Variants in TENM4 observed in about 807,000 individuals in gnomAD.
TENM4 encodes the protein teneurin transmembrane protein 4, also known as teneurin-4.
Under a neutral mutation model 243.3 loss-of-function variants are expected in TENM4, and 82 were observed. The ratio of observed to expected loss-of-function variants is 0.34; its 90% CI spans 0.28 to 0.40. The LOEUF (loss-of-function observed/expected upper bound fraction) is 0.40. TENM4 is among the 10% of genes least tolerant of loss of function. TENM4 has a pLI of 1.00. For missense variants in TENM4, 3,138 were observed against 3,673.3 expected (o/e 0.85, Z 3.77); for synonymous variants, 1,412 against 1,456.3 (o/e 0.97, Z 0.69).
intron 1 of TENM4, among the ~76,000 whole-genome samples, chr11:79,424,845 A>C (rs923832290): frequency 6.6e-6 from 1 of 151,886 alleles, no homozygotes; most frequent in African/African-American, 2.4e-5. Flanking sequence ...AAGGCAGGAG[A>C]ATGGCATAAA....
chr11:79,057,514 C>A (rs1848738258), intron 6 of TENM4, among the ~76,000 whole-genome samples: 1 of 152,182 alleles, frequency 6.6e-6, no homozygotes, highest in Non-Finnish European at 1.5e-5. Flanking sequence ...TGCACCTCCC[C>A]ATGACACTGC....
At chr11:79,431,580 A>T (rs1481280009) in intron 1 of TENM4, among the ~76,000 whole-genome samples, 1 of 152,216 alleles carries the variant, frequency 6.6e-6, no homozygotes, top group East Asian at 1.9e-4. Flanking sequence ...AGCAAAGGAG[A>T]GTACCTGTCT....
At chr11:79,091,124 T>TA (rs1860938117) in intron 4 of TENM4, among the ~76,000 whole-genome samples, 2 of 152,232 alleles carry the variant, frequency 1.3e-5, no homozygotes, top group South Asian at 2.1e-4. Flanking sequence ...ACTTATTTTT[T>TA]ATGTGATTCA....
At chr11:79,344,592 C>G (rs1295639550) in intron 1 of TENM4, among the ~76,000 whole-genome samples, 2 of 152,200 alleles carry the variant, frequency 1.3e-5, no homozygotes, top group African/African-American at 4.8e-5. Context: ...CAAAACTTCT[C>G]TTTGACCAAC....
At chr11:79,284,162 C>A (rs1174243118) in intron 2 of TENM4, among the ~76,000 whole-genome samples, 4 of 152,104 alleles carry the variant, frequency 2.6e-5, no homozygotes, top group Admixed American at 6.6e-5. Flanking sequence ...GTATTCCCTA[C>A]CAAAATCTCA....
At chr11:78,728,336 G>C (rs541431915) in intron 22 of TENM4, among the ~76,000 whole-genome samples, 3 of 152,112 alleles carry the variant, frequency 2.0e-5, no homozygotes, top group Non-Finnish European at 4.4e-5. Context: ...GCAGAATTTG[G>C]GGGTGACAAT....
At chr11:78,943,684 T>G (rs966407218) in intron 6 of TENM4, among the ~76,000 whole-genome samples, 4 of 152,190 alleles carry the variant, frequency 2.6e-5, no homozygotes, top group African/African-American at 9.7e-5. Flanking sequence ...GACAACCTGT[T>G]TGAAAATCTT....
chr11:78,823,659 A>AGAAT (rs1171452297), intron 12 of TENM4, among the ~76,000 whole-genome samples: 1 of 152,052 alleles, frequency 6.6e-6, no homozygotes, highest in Admixed American at 6.5e-5. Context: ...ATGAAGGAAG[A>AGAAT]GAATGAATGA....
chr11:78,658,247 C>G lies in TENM4; in HGVS notation c.8121G>C (p.Gln2707His). Residue 2707 changes from glutamine to histidine, a missense_variant, in exon 34 of 34, where the codon CAG (glutamine) becomes CAC (histidine). Physicochemically the swap from Gln to His is conservative, Grantham distance 24 (BLOSUM62 0). Around this residue, in one of 2 missense-constraint regions of TENM4, gnomAD observed 2,467 missense variants for 3,059.1 expected, o/e 0.81. Coordinates refer to ENST00000278550, the MANE Select transcript of TENM4 (RefSeq NM_001098816.3). ...CTTCCTCCCCTTCCCGCAGTCTCTGCTGCTCGCGGGCCCACGCTTGGCGCA... is the reference window on the plus strand; with the variant it reads ...CTTCCTCCCCTTCCCGCAGTCTCTGGTGCTCGCGGGCCCACGCTTGGCGCA... The part of the protein sequence containing the change: ...RAVRQAWARE[Q>H]QRLREGEEGL... 3 of 1,613,838 alleles carry G rather than the reference C, an allele frequency of 1.9e-6. No homozygotes were observed. The highest frequency in any genetic ancestry group is 1.7e-6 in the Non-Finnish European group (2 of 1,179,782).
chr11:78,863,149 G>A lies in TENM4; in HGVS notation c.1085-17C>T. 4 of 1,476,412 alleles carry A rather than the reference G, an allele frequency of 2.7e-6. No homozygotes were observed. Among genetic ancestry groups the A allele is most frequent in the Non-Finnish European group, 3.6e-6 (4 of 1,096,162 alleles). The allele number at this position is 1,476,412 out of a possible 1,614,324, so 91.5% of individuals were successfully genotyped here. ...GGTGCATGGCTGTGGTGAGCAATGA[G>A]AAAAGTCATCTTTTTCTGCTGGAGG... is the stretch of plus-strand genomic sequence containing the variant. On this transcript the variant is annotated splice_polypyrimidine_tract_variant and intron_variant, in intron 9 of 33. Transcript: ENST00000278550.
chr11:78,797,887 A>G (rs1326092075), intron 15 of TENM4, among the ~76,000 whole-genome samples: 1 of 152,162 alleles, frequency 6.6e-6, no homozygotes, highest in Non-Finnish European at 1.5e-5. Context: ...CCCTCCTATA[A>G]CATGCCTATA....
chr11:79,065,143 T>A, intron 5 of TENM4, 136 bp from the exon 6 acceptor site: 1 of 1,343,602 alleles, frequency 7.4e-7, no homozygotes, highest in Non-Finnish European at 9.7e-7. Context: ...TGCCCATGCC[T>A]TTGTTCAAGT....
chr11:79,371,731 T>C (rs1857790755), intron 1 of TENM4, among the ~76,000 whole-genome samples: 1 of 152,208 alleles, frequency 6.6e-6, no homozygotes, highest in Admixed American at 6.5e-5. Context: ...ATAAGATCTG[T>C]TGTTAATATG....
In TENM4 at chr11:79,314,439, C is replaced by T. The variant is rs540822984; in HGVS notation, c.-320-16896G>A. Among the ~76,000 whole-genome samples, 15 of 152,210 alleles carry T rather than the reference C, an allele frequency of 9.9e-5. No individual in the cohort carries two copies. The South Asian group carries it at 1.2e-3, about 13-fold the overall frequency. ...ACCTGTGGTGTTGAGTCTTGCTGACCGGAAGTTGGGGCCGGGAAGCCTGGT... is the reference window on the plus strand; with the variant it reads ...ACCTGTGGTGTTGAGTCTTGCTGACTGGAAGTTGGGGCCGGGAAGCCTGGT... On this transcript the variant is annotated intron_variant, in intron 1 of 33. Transcript: ENST00000278550.
intron 1 of TENM4, among the ~76,000 whole-genome samples, chr11:79,346,511 C>A (rs954996715): frequency 2.0e-5 from 3 of 152,062 alleles, no homozygotes; most frequent in South Asian, 2.1e-4. Flanking sequence ...GCTTCAACCC[C>A]CACCTCCCAC....
chr11:78,935,287 A>G (rs1459450523), intron 6 of TENM4, among the ~76,000 whole-genome samples: 2 of 152,078 alleles, frequency 1.3e-5, no homozygotes, highest in Non-Finnish European at 2.9e-5. Context: ...CTGGGATTAC[A>G]GGCGTGAGCC....
chr11:79,302,416 C>T (rs1288711947), intron 1 of TENM4, among the ~76,000 whole-genome samples: 2 of 152,186 alleles, frequency 1.3e-5, no homozygotes, highest in East Asian at 3.9e-4. Context: ...TTCCTCTCTC[C>T]ACCCTATGTT....
chr11:79,164,163 GTATA>G (rs1565230969), intron 3 of TENM4, among the ~76,000 whole-genome samples: 4 of 120,288 alleles, frequency 3.3e-5, no homozygotes, highest in Non-Finnish European at 4.8e-5. Flanking sequence ...TATATATAGT[GTATA>G]TATGGCATAC....
intron 1 of TENM4, among the ~76,000 whole-genome samples, chr11:79,340,551 C>T (rs1317521756): frequency 6.6e-6 from 1 of 152,146 alleles, no homozygotes; most frequent in African/African-American, 2.4e-5. Flanking sequence ...GCAGCTGCTG[C>T]CATAGCACAC....
Sources: allele counts gnomAD v4.1 joint callset (sites outside exome capture counted in the v4.1 genomes callset), GRCh38; gene constraint gnomAD v4.1.1; regional missense constraint gnomAD v4.1.1; transcripts MANE v1.5; gene names NCBI Gene and HGNC (gene_info 2026-07-23, HGNC 2026-07-21).